Variants in ITGAM observed in about 807,000 individuals in gnomAD.
ITGAM encodes the protein integrin alpha-M.
ITGAM carries 79 observed loss-of-function variants against 137.5 expected under a neutral mutation model. The ratio of observed to expected loss-of-function variants is 0.57; its 90% CI spans 0.48 to 0.69. ITGAM has a LOEUF of 0.69. Ranked by LOEUF, ITGAM falls within the 30% of genes least tolerant of loss-of-function variation. ITGAM has a pLI of 0.00. For synonymous variants in ITGAM, 583 were observed against 592.3 expected (o/e 0.98, Z 0.23); for missense variants, 1,343 against 1,483.5 (o/e 0.91, Z 1.56).
rs573444266 is a variant in ITGAM at position 31,262,890 on chromosome 16, C to T, written c.134+1093C>T. Among the ~76,000 whole-genome samples the T allele has an allele frequency of 5.3e-5, 8 of 152,306 alleles. No individual in the cohort carries two copies. The East Asian group carries it at 1.2e-3, about 22-fold the overall frequency. On this transcript the variant is annotated intron_variant, in intron 2 of 29. Transcript: ENST00000544665. ...CATAATACAGCCCAGTGATTTGAGT[C>T]CATTAATCCCATGTTATGCTTGCAT...
At chr16:31,278,328 C>T (rs1349947458) in intron 12 of ITGAM, among the ~76,000 whole-genome samples, 1 of 152,164 alleles carries the variant, frequency 6.6e-6, no homozygotes, top group Non-Finnish European at 1.5e-5. Flanking sequence ...ACAGAGCTCT[C>T]TATGGGTCTT....
chr16:31,278,990 T>C (rs1398108003), intron 12 of ITGAM, among the ~76,000 whole-genome samples: 1 of 152,180 alleles, frequency 6.6e-6, no homozygotes, highest in Non-Finnish European at 1.5e-5. Context: ...ATGCAGTGTT[T>C]GGTTTTCTGT....
chr16:31,277,722 AC>A (rs1271867529), intron 11 of ITGAM, among the ~76,000 whole-genome samples: 1 of 151,874 alleles, frequency 6.6e-6, no homozygotes, highest in Non-Finnish European at 1.5e-5. Context: ...GGAACTCCTG[AC>A]CTCAGGTGAT....
chr16:31,321,216 C>A (rs1306795168), intron 14 of ITGAM, 25 bp from the exon 15 acceptor site: 2 of 1,613,104 alleles, frequency 1.2e-6, no homozygotes, highest in Non-Finnish European at 1.7e-6. Context: ...CCCTTTCTCT[C>A]TCCACACCTC....
At chr16:31,273,312 AC>A (rs2079871637) in intron 7 of ITGAM, 52 bp from the exon 8 acceptor site, 5 of 1,505,546 alleles carry the variant, frequency 3.3e-6, no homozygotes, top group Non-Finnish European at 4.5e-6. Context: ...AAAAAAAAAA[AC>A]TAGTGTGTCA....
intron 14 of ITGAM, among the ~76,000 whole-genome samples, chr16:31,301,097 G>C (rs2080193111): frequency 1.3e-5 from 2 of 152,052 alleles, no homozygotes; most frequent in South Asian, 4.1e-4. Context: ...ATGCAGTCAG[G>C]CTTAGTTATT....
intron 14 of ITGAM, among the ~76,000 whole-genome samples, chr16:31,299,777 C>T (rs1301357089): frequency 7.0e-6 from 1 of 142,268 alleles, no homozygotes; most frequent in Non-Finnish European, 1.5e-5. Context: ...CCTCCTCCTC[C>T]TCCTCCGCCT....
chr16:31,287,916 G>T (rs951670927), intron 12 of ITGAM, among the ~76,000 whole-genome samples: 5 of 152,166 alleles, frequency 3.3e-5, no homozygotes, highest in African/African-American at 1.2e-4. Flanking sequence ...AGGACCACAT[G>T]AGGAAGGCTG....
At chr16:31,284,222 C>T (rs1437636269) in intron 12 of ITGAM, among the ~76,000 whole-genome samples, 3 of 152,166 alleles carry the variant, frequency 2.0e-5, no homozygotes, top group East Asian at 1.9e-4. Context: ...ATCCAAGCTG[C>T]ATGCTGGGAG....
At chr16:31,302,030 CA>C (rs915958369) in intron 14 of ITGAM, among the ~76,000 whole-genome samples, 4 of 150,680 alleles carry the variant, frequency 2.7e-5, no homozygotes, top group Admixed American at 6.6e-5. Context: ...TTAACCCTGA[CA>C]AAAAAAAACC....
At chr16:31,280,963 C>G (rs2079962486) in intron 12 of ITGAM, among the ~76,000 whole-genome samples, 1 of 152,170 alleles carries the variant, frequency 6.6e-6, no homozygotes, top group Non-Finnish European at 1.5e-5. Context: ...TTTTCTGCAT[C>G]TATTGAGATA....
intron 8 of ITGAM, 67 bp downstream of exon 8, chr16:31,273,585 A>C: frequency 6.7e-7 from 1 of 1,485,524 alleles, no homozygotes; most frequent in South Asian, 1.2e-5. Context: ...TCCTCCCTTC[A>C]ATTTGCAAAT....
chr16:31,323,413 C>T (rs917529453), intron 16 of ITGAM, among the ~76,000 whole-genome samples: 3 of 136,356 alleles, frequency 2.2e-5, no homozygotes, highest in Non-Finnish European at 3.1e-5. Flanking sequence ...GTGACAAGAG[C>T]GAAACTCCAT....
Position 31,297,579 on chromosome 16 carries a change from G to T in ITGAM, c.1422G>T (p.Leu474=), listed in dbSNP as rs373203677. The T allele has an allele frequency of 9.3e-6, 15 of 1,612,388 alleles. No homozygotes were observed. Among genetic ancestry groups the T allele is most frequent in the Non-Finnish European group, 1.1e-5 (13 of 1,179,874 alleles). Residue 474 remains leucine (L), a synonymous_variant, in exon 13 of 30, where the codon CTG becomes CTT. Coordinates refer to ENST00000544665, the MANE Select transcript of ITGAM (RefSeq NM_000632.4). Reference sequence around the variant, plus strand: ...TGGACAGCAACGGCAGCACCGACCTGGTCCTCATCGGGGCCCCCCATTACT... The same window carrying T: ...TGGACAGCAACGGCAGCACCGACCTTGTCCTCATCGGGGCCCCCCATTACT... ...VDVDSNGSTD[L]VLIGAPHYYE...
intron 6 of ITGAM, 129 bp downstream of exon 6, chr16:31,271,213 C>G (rs1161359403): frequency 5.7e-6 from 4 of 703,458 alleles, no homozygotes; most frequent in Non-Finnish European, 6.3e-6. Context: ...TATGGTTTGC[C>G]TTCCTGAGTC....
chr16:31,314,574 G>A (rs1256012556), intron 14 of ITGAM, among the ~76,000 whole-genome samples: 2 of 151,986 alleles, frequency 1.3e-5, no homozygotes, highest in Non-Finnish European at 2.9e-5. Flanking sequence ...CCTCTGTTCT[G>A]TTTCATTTGT....
At chr16:31,266,634 T>C (rs1029311431) in intron 5 of ITGAM, among the ~76,000 whole-genome samples, 3 of 151,602 alleles carry the variant, frequency 2.0e-5, no homozygotes, top group African/African-American at 7.3e-5. Context: ...CACTTGAGCC[T>C]GGGAAGTTGA....
intron 12 of ITGAM, among the ~76,000 whole-genome samples, chr16:31,290,633 T>A (rs910320675): frequency 1.3e-5 from 2 of 152,164 alleles, no homozygotes; most frequent in Non-Finnish European, 2.9e-5. Flanking sequence ...GGCATTATAC[T>A]TAAAAGTGAA....
chr16:31,286,069 A>G (rs141658175), intron 12 of ITGAM, among the ~76,000 whole-genome samples: 38 of 152,194 alleles, frequency 2.5e-4, no homozygotes, highest in Middle Eastern at 6.8e-3. Flanking sequence ...CCCAGTGTTT[A>G]GCTCCCACTT....
Sources: gnomAD v4.1 joint callset for allele counts (sites outside exome capture counted in the v4.1 genomes callset) on GRCh38, gnomAD v4.1.1 for gene constraint, MANE v1.5 for transcripts, NCBI Gene and HGNC (gene_info 2026-07-23, HGNC 2026-07-21) for gene names.